The following ARL6 variants were observed in gnomAD, a reference collection of about 807,000 sequenced individuals.
ARL6 encodes the protein ARF like GTPase 6.
ARL6 carries 18 observed loss-of-function variants against 27.1 expected under a neutral mutation model. The ratio of observed to expected loss-of-function variants is 0.66; its 90% CI spans 0.46 to 0.98. The LOEUF is 0.98. Among genes scored for constraint, ARL6 ranks in the 50% least tolerant of loss-of-function variants. The probability of loss-of-function intolerance (pLI) is 0.00; values close to 1 mark genes in which losing one functional copy is unlikely to be tolerated. For missense variants in ARL6, 187 were observed against 214.9 expected, an observed-to-expected ratio of 0.87 and a Z score of 0.81; for synonymous variants, 65 against 72.3, an observed-to-expected ratio of 0.90 and a Z score of 0.51.
rs1339815948 is a variant in ARL6, at chr3:97,767,505, A to C, written c.-27-576A>C. Among the ~76,000 whole-genome samples the C allele has an allele frequency of 8.1e-5, 12 of 148,984 alleles. No individual in the cohort carries two copies. In the Admixed American group the frequency reaches 8.3e-4, roughly 10 times the overall value. ...TTTGCTTCTACTGAGAGAAAACCCT[A>C]CTTAAACTGGAAATAACCAAGCAAG... On this transcript the variant is annotated intron_variant, in intron 1 of 7. Coordinates refer to ENST00000463745, the MANE Select transcript of ARL6 (RefSeq NM_001278293.3).
At chr3:97,787,777 G>A (rs1418598601) in intron 5 of ARL6, among the ~76,000 whole-genome samples, 1 of 152,052 alleles carries the variant, frequency 6.6e-6, no homozygotes, top group African/African-American at 2.4e-5. Flanking sequence ...CTCCTAACCA[G>A]AGGGCAGATG....
Position 97,791,814 on chromosome 3 carries a change from G to T in ARL6, c.523G>T (p.Asp175Tyr). The change falls in exon 7 of 8, where the codon GAC becomes TAC. Residue 175 changes from aspartate to tyrosine, a missense_variant. Coordinates refer to ENST00000463745, the MANE Select transcript of ARL6 (RefSeq NM_001278293.3). ...IKGEGLQEGVDWLQDQIQTVK... is the reference protein window; with the variant it reads ...IKGEGLQEGVYWLQDQIQTVK... ...AGGAGAAGGCTTGCAAGAAGGTGTA[G>T]ACTGGCTTCAAGGTACATTACAAAA... 6.2e-7 allele frequency: 1 copy of T among 1,613,674 alleles called. No individual in the cohort carries two copies. Among genetic ancestry groups the T allele is most frequent in the Non-Finnish European group, 8.5e-7 (1 of 1,179,738 alleles).
At chr3:97,796,540 T>C (rs1403551887) in intron 7 of ARL6, among the ~76,000 whole-genome samples, 1 of 152,044 alleles carries the variant, frequency 6.6e-6, no homozygotes, top group African/African-American at 2.4e-5. Flanking sequence ...CAGAAAAAAG[T>C]AGAGGATAGC....
chr3:97,765,142 C>T (rs1305284503), intron 1 of ARL6, among the ~76,000 whole-genome samples, 165 bp downstream of exon 1: 1 of 151,772 alleles, frequency 6.6e-6, no homozygotes. Flanking sequence ...AGAAAACTTA[C>T]TAAACTGGTT....
At chr3:97,780,587 T>G in intron 3 of ARL6, 28 bp from the exon 4 acceptor site, 1 of 1,573,180 alleles carries the variant, frequency 6.4e-7, no homozygotes, top group Non-Finnish European at 8.7e-7. Context: ...TAGTTTATAA[T>G]GTAGTCATGT....
intron 4 of ARL6, among the ~76,000 whole-genome samples, chr3:97,784,696 A>AT (rs527711530): frequency 2.0e-5 from 3 of 151,942 alleles, no homozygotes; most frequent in African/African-American, 7.2e-5. Context: ...AAAATTACTC[A>AT]TTTTTTAAAA....
chr3:97,791,630 C>T (rs2037741061), intron 6 of ARL6, 141 bp from the exon 7 acceptor site: 1 of 634,956 alleles, frequency 1.6e-6, no homozygotes. Context: ...TGTTTATTTT[C>T]AATTTCAATG....
At chr3:97,772,096 G>C (rs1311576408) in intron 2 of ARL6, among the ~76,000 whole-genome samples, 2 of 152,054 alleles carry the variant, frequency 1.3e-5, no homozygotes, top group East Asian at 3.9e-4. Context: ...CGTTTGAGTT[G>C]AATTAGTATT....
chr3:97,793,904 T>C (rs2037864935), intron 7 of ARL6, among the ~76,000 whole-genome samples: 1 of 152,128 alleles, frequency 6.6e-6, no homozygotes. Flanking sequence ...AAATTTATTC[T>C]ACTACTTATT....
rs7637694 is a variant in ARL6 at position 97,788,078 on chromosome 3, G to A, written c.438G>A (p.Leu146=). The change falls in exon 6 of 8, where the codon TTG becomes TTA. Residue 146 remains leucine, a synonymous_variant. Coordinates refer to ENST00000463745, the MANE Select transcript of ARL6 (RefSeq NM_001278293.3). ...DAVTSVKVSQ[L]LCLENIKDKP... ...TGACATCTGTAAAAGTGTCTCAGTTGCTGTGTTTAGAGAACATCAAAGATA... is the reference window on the plus strand; with the variant it reads ...TGACATCTGTAAAAGTGTCTCAGTTACTGTGTTTAGAGAACATCAAAGATA... 84 of 1,613,172 alleles carry A rather than the reference G, an allele frequency of 5.2e-5. No individual in the cohort carries two copies. The highest frequency in any genetic ancestry group is 6.6e-5 in the Non-Finnish European group (78 of 1,179,568).
chr3:97,784,585 A>G (rs2037357309), intron 4 of ARL6, among the ~76,000 whole-genome samples: 1 of 151,824 alleles, frequency 6.6e-6, no homozygotes, highest in African/African-American at 2.4e-5. Context: ...TGTAATATAC[A>G]CAAAGTGTAG....
chr3:97,781,552 C>T (rs145436354), intron 4 of ARL6, among the ~76,000 whole-genome samples: 1 of 151,972 alleles, frequency 6.6e-6, no homozygotes, highest in Non-Finnish European at 1.5e-5. Context: ...ATGTTATAAG[C>T]AAATACTAAG....
intron 6 of ARL6, among the ~76,000 whole-genome samples, chr3:97,790,708 T>G (rs1423391894): frequency 6.6e-6 from 1 of 152,142 alleles, no homozygotes; most frequent in African/African-American, 2.4e-5. Context: ...ATTGTGTATC[T>G]CATGTTGTTT....
intron 4 of ARL6, among the ~76,000 whole-genome samples, chr3:97,782,052 G>C (rs1487943952): frequency 6.6e-6 from 1 of 151,992 alleles, no homozygotes; most frequent in African/African-American, 2.4e-5. Context: ...TTCTGAGAGA[G>C]AGGGAAAAGA....
At position 97,797,881 on chromosome 3, in the gene ARL6, A is replaced by T. The variant is rs2038078637; in HGVS notation, c.536-143A>T. Reference sequence around the variant, plus strand: ...AGTACAGCCTGGGCCACATAGCAAGATCCTATCTCTAAAAAATAATAATAA... The same window carrying T: ...AGTACAGCCTGGGCCACATAGCAAGTTCCTATCTCTAAAAAATAATAATAA... On this transcript the variant is annotated intron_variant, in intron 7 of 7. Transcript: ENST00000463745. The T allele has an allele frequency of 1.9e-5, 15 of 782,130 alleles. No individual in the cohort carries two copies. In the Admixed American group the frequency reaches 3.1e-4, roughly 16 times the overall value. The allele number at this position is 782,130 out of a possible 1,614,324, so 48.4% of individuals were successfully genotyped here.
chr3:97,793,048 G>C (rs2108090322), intron 7 of ARL6, among the ~76,000 whole-genome samples: 1 of 152,218 alleles, frequency 6.6e-6, no homozygotes, highest in Middle Eastern at 3.4e-3. Flanking sequence ...TAGCCTGCCT[G>C]CTCATACATC....
chr3:97,786,141 A>G (rs1209515170), intron 5 of ARL6, among the ~76,000 whole-genome samples: 1 of 152,034 alleles, frequency 6.6e-6, no homozygotes, highest in East Asian at 1.9e-4. Context: ...ACTTGAGGTC[A>G]GGAGTTCGAG....
upstream of ARL6, chr3:97,764,753 C>G (rs1030750205): frequency 1.3e-5 from 2 of 152,360 alleles, no homozygotes; most frequent in African/African-American, 4.8e-5. Flanking sequence ...GGAACGGTGC[C>G]TGCCAAGGCG....
At chr3:97,792,406 C>T (rs112472177) in intron 7 of ARL6, among the ~76,000 whole-genome samples, 179 of 152,188 alleles carry the variant, frequency 1.2e-3, no homozygotes, top group African/African-American at 3.9e-3. Flanking sequence ...TCATTTGAAC[C>T]CAGGAGATGG....
Sources: gnomAD v4.1 joint callset for allele counts (sites outside exome capture counted in the v4.1 genomes callset) on GRCh38, gnomAD v4.1.1 for gene constraint, MANE v1.5 for transcripts, NCBI Gene and HGNC (gene_info 2026-07-23, HGNC 2026-07-21) for gene names.